The following SC5D variants were observed in gnomAD, a reference collection of about 807,000 sequenced individuals.
SC5D encodes the protein lathosterol oxidase.
In SC5D, 21 loss-of-function variants were observed where a neutral mutation model predicts 23.9. The observed-to-expected ratio is 0.88, with a 90% CI of 0.62 to 1.26. SC5D has a LOEUF of 1.26. SC5D is among the 50% of genes most tolerant of loss of function. The pLI is 0.00. For missense variants in SC5D, 309 were observed against 364.8 expected (o/e 0.85, Z 1.25); for synonymous variants, 113 against 125.9 (o/e 0.90, Z 0.68).
chr11:121,294,075 C>T (rs1947872366), intron 1 of SC5D, among the ~76,000 whole-genome samples: 1 of 152,154 alleles, frequency 6.6e-6, no homozygotes. Context: ...CTATCATTTT[C>T]TATACTTTTA....
At chr11:121,302,594 C>G (rs997845315) in intron 1 of SC5D, among the ~76,000 whole-genome samples, 6 of 152,132 alleles carry the variant, frequency 3.9e-5, no homozygotes, top group Admixed American at 6.5e-5. Context: ...GCCATACTGT[C>G]TCTGTTGCAG....
chr11:121,303,159 C>T (rs1274700908), intron 1 of SC5D, among the ~76,000 whole-genome samples: 1 of 152,188 alleles, frequency 6.6e-6, no homozygotes. Flanking sequence ...TTAGCATCCC[C>T]ATACATAGTA....
Position 121,310,479 on chromosome 11 carries a change from T to G in SC5D, c.*2967T>G, listed in dbSNP as rs900146886. Among the ~76,000 whole-genome samples, 11 of 138,782 alleles carry G rather than the reference T, an allele frequency of 7.9e-5. No individual in the cohort carries two copies. Among genetic ancestry groups the G allele is most frequent in the African/African-American group, 3.1e-4 (11 of 36,042 alleles). 91.0% of individuals were successfully genotyped at this position (138,782 alleles called of 152,430 possible). A position where few individuals can be genotyped will look rare whatever the true frequency, so the allele number is the denominator to read the frequency against. ...CCTTTTTTTTTTTTTTTTTTTGAGA[T>G]GGAGTCTTGCTCTGTTGCCCCAGGC... On this transcript the variant is annotated 3_prime_UTR_variant, in exon 5 of 5. Transcript: ENST00000264027.
In SC5D at chr11:121,310,142, A is replaced by T. The variant is rs1221997560; in HGVS notation, c.*2630A>T. ...GTGCATGCAGGTTATTTATGTAGAGAGGAGGTCTGGGAGAAAGATGGAAAC... is the reference window on the plus strand; with the variant it reads ...GTGCATGCAGGTTATTTATGTAGAGTGGAGGTCTGGGAGAAAGATGGAAAC... On this transcript the variant is annotated 3_prime_UTR_variant, in exon 5 of 5. Transcript: ENST00000264027. 6.6e-6 allele frequency among the ~76,000 whole-genome samples: 1 copy of T among 152,200 alleles called. No individual in the cohort carries two copies. Among genetic ancestry groups the T allele is most frequent in the African/African-American group, 2.4e-5 (1 of 41,454 alleles).
chr11:121,304,024 C>T, intron 2 of SC5D: 1 of 302,976 alleles, frequency 3.3e-6, no homozygotes, highest in Non-Finnish European at 6.2e-6. Flanking sequence ...GTCAGTGACT[C>T]CAAGGACTGA....
intron 1 of SC5D, among the ~76,000 whole-genome samples, chr11:121,301,706 T>TA (rs2134266123): frequency 6.6e-6 from 1 of 152,252 alleles, no homozygotes; most frequent in African/African-American, 2.4e-5. Flanking sequence ...CTGAGAATGC[T>TA]AAAAAACTAG....
intron 1 of SC5D, among the ~76,000 whole-genome samples, chr11:121,300,817 G>C (rs1229877754): frequency 2.0e-5 from 3 of 152,342 alleles, no homozygotes; most frequent in African/African-American, 7.2e-5. Context: ...AGTATTGAAA[G>C]CATGGCCCAA....
rs1947860143 is a variant in SC5D, at chr11:121,292,809, A to G, written c.-18A>G. The stretch of plus-strand genomic sequence containing the variant: ...GTGGCGTGCGGAGCGGCGGCGGACC[A>G]CCTCCAGGTGGGGACGGTGGGTGGG... On this transcript the variant is annotated 5_prime_UTR_variant, in exon 1 of 5. Coordinates refer to ENST00000264027, the MANE Select transcript of SC5D (RefSeq NM_006918.5). The G allele has an allele frequency of 6.6e-6, 1 of 152,308 alleles. No individual in the cohort carries two copies. The highest frequency in any genetic ancestry group is 1.5e-5 in the Non-Finnish European group (1 of 68,394). The allele number at this position is 152,308 out of a possible 1,614,324, so 9.4% of individuals were successfully genotyped here. A position where few individuals can be genotyped will look rare whatever the true frequency, so the allele number is the denominator to read the frequency against.
In SC5D at chr11:121,303,573, A is replaced by G. The variant is rs761375460; in HGVS notation, c.198A>G (p.Pro66=). Residue 66 remains proline (P), a synonymous_variant, in exon 2 of 5, where the codon CCA becomes CCG. Transcript: ENST00000264027. ...FVFDHALMKH[P]QFLKNQVRRE... Reference sequence around the variant, plus strand: ...TCGATCATGCATTAATGAAACATCCACAATTTTTAAAGGTAAGAAATGTTT... The same window carrying G: ...TCGATCATGCATTAATGAAACATCCGCAATTTTTAAAGGTAAGAAATGTTT... 4.2e-5 allele frequency: 67 copies of G among 1,608,612 alleles called. No homozygotes were observed. The highest frequency in any genetic ancestry group is 4.7e-5 in the Non-Finnish European group (55 of 1,175,324).
chr11:121,299,794 T>C (rs1947913643), intron 1 of SC5D, among the ~76,000 whole-genome samples: 1 of 152,208 alleles, frequency 6.6e-6, no homozygotes, highest in Non-Finnish European at 1.5e-5. Context: ...CTCAGGAGGC[T>C]GAGTCAGAAG....
In SC5D at chr11:121,304,493, G is replaced by T; in HGVS notation, c.343G>T (p.Gly115Ter). The change falls in exon 3 of 5, where the codon GGA (glycine) becomes TGA (stop). Residue 115 changes from glycine to a stop codon, truncating the protein, a stop_gained and splice_region_variant. Transcript: ENST00000264027. LOFTEE classifies it high-confidence loss of function. The part of the protein sequence containing the change: ...LHDDLGEFPY[G>*]LFELVVSIIS... ...TGATGACCTAGGAGAGTTTCCATATGGTAAGTAAATAACACGAGTGTCAGG... is the reference window on the plus strand; with the variant it reads ...TGATGACCTAGGAGAGTTTCCATATTGTAAGTAAATAACACGAGTGTCAGG... 1 of 1,613,254 alleles carries T rather than the reference G, an allele frequency of 6.2e-7. No individual in the cohort carries two copies. The highest frequency in any genetic ancestry group is 8.5e-7 in the Non-Finnish European group (1 of 1,179,468).
Position 121,307,879 on chromosome 11 carries a change from A to T in SC5D, c.*367A>T, listed in dbSNP as rs139178876. 346 of 181,232 alleles carry T rather than the reference A, an allele frequency of 1.9e-3. 1 individual carries two copies. Among genetic ancestry groups the T allele is most frequent in the African/African-American group, 7.9e-3 (331 of 42,052 alleles). The allele number at this position is 181,232 out of a possible 1,614,324, so 11.2% of individuals were successfully genotyped here. A position where few individuals can be genotyped will look rare whatever the true frequency, so the allele number is the denominator to read the frequency against. ...CTTCATCCACCCATGTTTATTAAGA[A>T]TCATTGTGCTTAATAATACCAAGAC... is the stretch of plus-strand genomic sequence containing the variant. On this transcript the variant is annotated 3_prime_UTR_variant, in exon 5 of 5. Coordinates refer to ENST00000264027, the MANE Select transcript of SC5D (RefSeq NM_006918.5).
intron 1 of SC5D, chr11:121,293,222 T>A (rs899505725): frequency 2.0e-5 from 3 of 152,348 alleles, no homozygotes; most frequent in Admixed American, 6.5e-5. Flanking sequence ...AGGCCTGGAC[T>A]TGAAGGAGCC....
At chr11:121,302,908 T>C (rs1472123795) in intron 1 of SC5D, among the ~76,000 whole-genome samples, 5 of 152,194 alleles carry the variant, frequency 3.3e-5, no homozygotes, top group Admixed American at 2.0e-4. Context: ...ATCTTAGGTG[T>C]CAGTGCTGAA....
chr11:121,301,299 A>G (rs1431300418), intron 1 of SC5D, among the ~76,000 whole-genome samples: 1 of 125,490 alleles, frequency 8.0e-6, no homozygotes, highest in East Asian at 2.1e-4. Context: ...ATAAAGTGAT[A>G]AAAGTTTTTT....
At chr11:121,297,735 C>G (rs539952763) in intron 1 of SC5D, among the ~76,000 whole-genome samples, 2 of 152,136 alleles carry the variant, frequency 1.3e-5, no homozygotes, top group South Asian at 4.1e-4. Flanking sequence ...AACCATGTTT[C>G]GGTTAAGTGG....
intron 1 of SC5D, among the ~76,000 whole-genome samples, chr11:121,294,719 A>G (rs563399937): frequency 7.2e-5 from 11 of 152,294 alleles, no homozygotes; most frequent in Middle Eastern, 3.4e-3. Flanking sequence ...TCTTGGGTCA[A>G]ATGTCAAAAG....
At chr11:121,296,334 A>G (rs563496005) in intron 1 of SC5D, among the ~76,000 whole-genome samples, 1 of 152,310 alleles carries the variant, frequency 6.6e-6, no homozygotes, top group East Asian at 1.9e-4. Context: ...AATCTCCTTT[A>G]CAAGTCCATC....
In SC5D at chr11:121,307,670, G is replaced by A; in HGVS notation, c.*158G>A. The A allele has an allele frequency of 3.4e-6, 2 of 596,204 alleles. No individual in the cohort carries two copies. Among genetic ancestry groups the A allele is most frequent in the South Asian group, 2.2e-5 (1 of 45,192 alleles). 36.9% of individuals were successfully genotyped at this position (596,204 alleles called of 1,614,324 possible). A position where few individuals can be genotyped will look rare whatever the true frequency, so the allele number is the denominator to read the frequency against. On this transcript the variant is annotated 3_prime_UTR_variant, in exon 5 of 5. Transcript: ENST00000264027. Reference sequence around the variant, plus strand: ...TGGGCACTGCTGAGGAATGATCCTAGTGGTAGGTCAGAAGAAGATGCTGTG... The same window carrying A: ...TGGGCACTGCTGAGGAATGATCCTAATGGTAGGTCAGAAGAAGATGCTGTG...
Sources: allele counts gnomAD v4.1 joint callset (sites outside exome capture counted in the v4.1 genomes callset), GRCh38; gene constraint gnomAD v4.1.1; transcripts MANE v1.5; gene names NCBI Gene and HGNC (gene_info 2026-07-23, HGNC 2026-07-21).